The following COLEC12 variants were observed in gnomAD, a reference collection of about 807,000 sequenced individuals.
The protein encoded by COLEC12 is collectin-12.
COLEC12 carries 33 observed loss-of-function variants against 71.1 expected under a neutral mutation model. That is an observed-to-expected ratio of 0.46 (90% CI 0.35 to 0.62). The LOEUF (loss-of-function observed/expected upper bound fraction) is 0.62. COLEC12 is among the 20% of genes least tolerant of loss of function. The probability of loss-of-function intolerance (pLI) is 0.00; values close to 1 mark genes in which losing one functional copy is unlikely to be tolerated. For synonymous variants in COLEC12, 350 were observed against 353.0 expected, an observed-to-expected ratio of 0.99 and a Z score of 0.10; for missense variants, 765 against 916.1, an observed-to-expected ratio of 0.84 and a Z score of 2.13.
At chr18:470,055 C>T (rs565858674) in intron 2 of COLEC12, among the ~76,000 whole-genome samples, 62 of 152,058 alleles carry the variant, frequency 4.1e-4, no homozygotes, top group African/African-American at 1.4e-3. Flanking sequence ...CATATTTCCC[C>T]TCAATTATTT....
chr18:488,918 A>C (rs1917570369), intron 1 of COLEC12, among the ~76,000 whole-genome samples: 1 of 152,110 alleles, frequency 6.6e-6, no homozygotes, highest in African/African-American at 2.4e-5. Context: ...TAGAGGGTCC[A>C]ATGTTCATAT....
intron 2 of COLEC12, among the ~76,000 whole-genome samples, chr18:385,994 A>T (rs1445998314): frequency 6.6e-6 from 1 of 152,200 alleles, no homozygotes; most frequent in Admixed American, 6.5e-5. Flanking sequence ...ATGTCCTTTA[A>T]GGTTGATCTG....
intron 2 of COLEC12, among the ~76,000 whole-genome samples, chr18:394,463 T>C (rs943054464): frequency 1.3e-5 from 2 of 152,258 alleles, no homozygotes; most frequent in Admixed American, 6.5e-5. Context: ...TTGGGTGATG[T>C]AATACCACAT....
At chr18:345,744 ATAAT>A (rs1417865299) in intron 5 of COLEC12, among the ~76,000 whole-genome samples, 1 of 152,256 alleles carries the variant, frequency 6.6e-6, no homozygotes, top group African/African-American at 2.4e-5. Context: ...CACTCAACAA[ATAAT>A]TAATGGAGTC....
At position 500,410 on chromosome 18, in the gene COLEC12, C is replaced by T; in HGVS notation, c.7+98G>A. 1.2e-6 allele frequency: 1 copy of T among 818,688 alleles called. No homozygotes were observed. Among genetic ancestry groups the T allele is most frequent in the Non-Finnish European group, 1.6e-6 (1 of 635,594 alleles). The allele number at this position is 818,688 out of a possible 1,614,324, so 50.7% of individuals were successfully genotyped here. On this transcript the variant is annotated intron_variant, in intron 1 of 9. Coordinates refer to ENST00000400256, the MANE Select transcript of COLEC12 (RefSeq NM_130386.3). The surrounding 1 kb of genome is among the most constrained non-coding windows in gnomAD (Gnocchi z 5.3). Reference sequence around the variant, plus strand: ...GCCCCGACTCCCCGGGCCCGCAGCCCAAGGGAAGGTTCGCGCGGGAGGCAC... The same window carrying T: ...GCCCCGACTCCCCGGGCCCGCAGCCTAAGGGAAGGTTCGCGCGGGAGGCAC...
chr18:402,373 G>A (rs1255449226), intron 2 of COLEC12, among the ~76,000 whole-genome samples: 1 of 152,080 alleles, frequency 6.6e-6, no homozygotes, highest in Non-Finnish European at 1.5e-5. Flanking sequence ...AAAAAGGAGG[G>A]GTTGAAAAGG....
At chr18:325,119 G>A (rs1042015755) in intron 8 of COLEC12, among the ~76,000 whole-genome samples, 75 of 152,286 alleles carry the variant, frequency 4.9e-4, no homozygotes, top group Admixed American at 3.9e-3. Context: ...CTTGAGCCTC[G>A]GAGGTTGAGG....
intron 2 of COLEC12, among the ~76,000 whole-genome samples, chr18:389,827 C>T (rs1915424489): frequency 6.6e-6 from 1 of 152,142 alleles, no homozygotes; most frequent in Non-Finnish European, 1.5e-5. Flanking sequence ...AAGAGTACTT[C>T]TGAAAAGTTG....
At chr18:379,831 T>C (rs1164107279) in intron 2 of COLEC12, among the ~76,000 whole-genome samples, 1 of 152,136 alleles carries the variant, frequency 6.6e-6, no homozygotes, top group Non-Finnish European at 1.5e-5. Flanking sequence ...CATGTGAGCA[T>C]GGCTGGGACA....
intron 2 of COLEC12, among the ~76,000 whole-genome samples, chr18:384,448 G>C (rs1258692104): frequency 6.6e-6 from 1 of 152,126 alleles, no homozygotes; most frequent in Non-Finnish European, 1.5e-5. Context: ...GTTGTTACCT[G>C]CAGATAGATG....
At chr18:388,833 G>T (rs770627303) in intron 2 of COLEC12, among the ~76,000 whole-genome samples, 5 of 152,302 alleles carry the variant, frequency 3.3e-5, no homozygotes, top group Middle Eastern at 3.4e-3. Flanking sequence ...TGAAGAGGTG[G>T]ATCTTAGGGT....
At chr18:392,431 A>AAG (rs1915481414) in intron 2 of COLEC12, among the ~76,000 whole-genome samples, 1 of 152,222 alleles carries the variant, frequency 6.6e-6, no homozygotes, top group Non-Finnish European at 1.5e-5. Context: ...ACTCCTGTAC[A>AAG]AGGTTTTTAT....
chr18:492,887 C>T (rs945881491), intron 1 of COLEC12, among the ~76,000 whole-genome samples: 1 of 152,112 alleles, frequency 6.6e-6, no homozygotes, highest in African/African-American at 2.4e-5. Context: ...TTCCTCTCAC[C>T]TCCCACACTG....
In COLEC12 at chr18:500,431, G is replaced by C; in HGVS notation, c.7+77C>G. On this transcript the variant is annotated intron_variant, in intron 1 of 9. Coordinates refer to ENST00000400256, the MANE Select transcript of COLEC12 (RefSeq NM_130386.3). The surrounding 1 kb of genome is among the most constrained non-coding windows in gnomAD (Gnocchi z 5.3). ...AGCCCAAGGGAAGGTTCGCGCGGGA[G>C]GCACCTCCGTGGCCTCCCGCGCGCC... The C allele has an allele frequency of 1.0e-6, 1 of 964,508 alleles. No homozygotes were observed. The highest frequency in any genetic ancestry group is 4.8e-5 in the South Asian group (1 of 20,878). 59.7% of individuals were successfully genotyped at this position (964,508 alleles called of 1,614,324 possible).
intron 8 of COLEC12, among the ~76,000 whole-genome samples, chr18:326,161 C>A (rs1009533056): frequency 2.0e-4 from 30 of 152,184 alleles, no homozygotes; most frequent in Non-Finnish European, 4.3e-4. Flanking sequence ...CTGCATCCCA[C>A]AGATCTTGAT....
At chr18:323,723 A>C (rs1190502103) in intron 8 of COLEC12, among the ~76,000 whole-genome samples, 1 of 152,180 alleles carries the variant, frequency 6.6e-6, no homozygotes, top group Non-Finnish European at 1.5e-5. Flanking sequence ...TGTTTATAAA[A>C]TTTGAGATCT....
chr18:386,398 G>A (rs939643298), intron 2 of COLEC12, among the ~76,000 whole-genome samples: 8 of 152,280 alleles, frequency 5.3e-5, no homozygotes, highest in African/African-American at 1.7e-4. Context: ...ACTGTCTGTG[G>A]ACTAGTGGCA....
At chr18:398,009 ATACT>A (rs1915605673) in intron 2 of COLEC12, among the ~76,000 whole-genome samples, 1 of 152,242 alleles carries the variant, frequency 6.6e-6, no homozygotes, top group Non-Finnish European at 1.5e-5. Context: ...AATGTCTTAA[ATACT>A]TACACAGGTC....
intron 2 of COLEC12, among the ~76,000 whole-genome samples, chr18:406,537 A>AAAAAAAAAAAAC: frequency 6.9e-6 from 1 of 145,318 alleles, no homozygotes; most frequent in African/African-American, 2.5e-5. Flanking sequence ...AAAAAAAAAA[A>AAAAAAAAAAAAC]AAAGGGCAAC....
Sources: gnomAD v4.1 joint callset for allele counts (sites outside exome capture counted in the v4.1 genomes callset) on GRCh38, gnomAD v4.1.1 for gene constraint, Gnocchi (gnomAD v3.1) non-coding constraint, MANE v1.5 for transcripts, NCBI Gene and HGNC (gene_info 2026-07-23, HGNC 2026-07-21) for gene names.